GJC1: variants seen among roughly 807,000 people sequenced by gnomAD.
GJC1 encodes gap junction protein gamma 1.
In GJC1, 5 loss-of-function variants were observed where a neutral mutation model predicts 29.3. The observed-to-expected ratio is 0.17, with a 90% confidence interval of 0.09 to 0.36. GJC1 has a LOEUF of 0.36. GJC1 is among the 10% of genes least tolerant of loss of function. The pLI is 1.00. For missense variants in GJC1, 310 were observed against 496.2 expected (o/e 0.62, Z 3.56); for synonymous variants, 177 against 183.3 (o/e 0.97, Z 0.28).
At chr17:44,812,717 G>A (rs895448930) in intron 1 of GJC1, among the ~76,000 whole-genome samples, 5 of 150,628 alleles carry the variant, frequency 3.3e-5, no homozygotes, top group South Asian at 2.1e-4. Flanking sequence ...GCACAATCTC[G>A]GCTCTCTGCA....
chr17:44,810,861 C>T (rs539412382), intron 1 of GJC1, among the ~76,000 whole-genome samples: 11 of 152,238 alleles, frequency 7.2e-5, no homozygotes. Context: ...GCAGCCTCAA[C>T]CTCTTGTGTC....
intron 1 of GJC1, among the ~76,000 whole-genome samples, chr17:44,820,193 C>T (rs753918531): frequency 5.9e-5 from 9 of 152,012 alleles, no homozygotes; most frequent in Non-Finnish European, 1.0e-4. Flanking sequence ...AACTCCTGAC[C>T]TCAGGTTATC....
At chr17:44,819,615 G>A (rs954524561) in intron 1 of GJC1, among the ~76,000 whole-genome samples, 7 of 151,604 alleles carry the variant, frequency 4.6e-5, no homozygotes, top group East Asian at 1.9e-4. Flanking sequence ...CCGAGATCAC[G>A]CCACTGCACT....
chr17:44,829,073 C>T (rs947314059), intron 1 of GJC1, among the ~76,000 whole-genome samples: 1 of 150,988 alleles, frequency 6.6e-6, no homozygotes, highest in Non-Finnish European at 1.5e-5. Flanking sequence ...TCAGCCTGAA[C>T]TTATTCAAAC....
chr17:44,808,646 C>T (rs774448352), intron 1 of GJC1, among the ~76,000 whole-genome samples: 22 of 152,162 alleles, frequency 1.4e-4, no homozygotes, highest in African/African-American at 3.1e-4. Flanking sequence ...CCTGTGGTCC[C>T]AGCTACTTGG....
At chr17:44,827,116 C>T (rs1340770809) in intron 1 of GJC1, among the ~76,000 whole-genome samples, 1 of 152,102 alleles carries the variant, frequency 6.6e-6, no homozygotes, top group African/African-American at 2.4e-5. Flanking sequence ...TGGAGACCAG[C>T]CTGACCAACA....
At chr17:44,816,675 T>G (rs897150943) in intron 1 of GJC1, among the ~76,000 whole-genome samples, 1 of 151,912 alleles carries the variant, frequency 6.6e-6, no homozygotes, top group Non-Finnish European at 1.5e-5. Flanking sequence ...CTGGCTAATT[T>G]TTCTATTTTT....
chr17:44,817,820 TTTCTTGACCACTCGCTAGTAAA>T (rs1160205126), intron 1 of GJC1, among the ~76,000 whole-genome samples: 4 of 152,062 alleles, frequency 2.6e-5, no homozygotes, highest in African/African-American at 9.7e-5. Flanking sequence ...GTTTGGGCTC[TTTCTTGACCACTCGCTAGTAAA>T]GAATTACATT....
chr17:44,809,835 G>A (rs1250085731), intron 1 of GJC1, among the ~76,000 whole-genome samples: 1 of 151,860 alleles, frequency 6.6e-6, no homozygotes, highest in Non-Finnish European at 1.5e-5. Context: ...CCGAAGTGCT[G>A]GGATTACAGG....
rs146159476 is a variant in GJC1 at position 44,801,667 on chromosome 17, G to C, written c.*2960C>G. 1 of 150,670 alleles carries C rather than the reference G, an allele frequency of 6.6e-6. No homozygotes were observed. Among genetic ancestry groups the C allele is most frequent in the African/African-American group, 2.4e-5 (1 of 40,862 alleles). 9.3% of individuals were successfully genotyped at this position (150,670 alleles called of 1,614,324 possible). A position where few individuals can be genotyped will look rare whatever the true frequency, so the allele number is the denominator to read the frequency against. On this transcript the variant is annotated 3_prime_UTR_variant, in exon 3 of 3. Coordinates refer to ENST00000592524, the MANE Select transcript of GJC1 (RefSeq NM_005497.4). ...CTTGCAGGCTGGAGTGCAATGGTAT[G>C]ATCTCAGCTCACTGCAACCTCTGCC...
At chr17:44,823,754 T>C (rs1179214176) in intron 1 of GJC1, among the ~76,000 whole-genome samples, 1 of 150,502 alleles carries the variant, frequency 6.6e-6, no homozygotes, top group African/African-American at 2.4e-5. Flanking sequence ...TTCTGTCGCC[T>C]AGCCTGGAGT....
At chr17:44,809,642 C>T (rs908767644) in intron 1 of GJC1, among the ~76,000 whole-genome samples, 7 of 151,046 alleles carry the variant, frequency 4.6e-5, no homozygotes, top group African/African-American at 1.7e-4. Flanking sequence ...GCGATCTTGG[C>T]TCGCCACAAC....
intron 1 of GJC1, among the ~76,000 whole-genome samples, chr17:44,810,065 T>C (rs1427038099): frequency 6.7e-6 from 1 of 149,226 alleles, no homozygotes; most frequent in Non-Finnish European, 1.5e-5. Context: ...GGTTTCACCA[T>C]GTTAGCCAAG....
intron 1 of GJC1, among the ~76,000 whole-genome samples, chr17:44,819,716 C>T (rs1382134893): frequency 6.6e-6 from 1 of 151,658 alleles, no homozygotes; most frequent in Non-Finnish European, 1.5e-5. Context: ...AAAGAATTTC[C>T]TTCCTTTTTA....
chr17:44,805,910 T>G lies in GJC1; in HGVS notation c.-20-73A>C. 1 of 712,884 alleles carries G rather than the reference T, an allele frequency of 1.4e-6. No homozygotes were observed. The highest frequency in any genetic ancestry group is 2.3e-6 in the Non-Finnish European group (1 of 430,932). The allele number at this position is 712,884 out of a possible 1,614,324, so 44.2% of individuals were successfully genotyped here. A position where few individuals can be genotyped will look rare whatever the true frequency, so the allele number is the denominator to read the frequency against. ...CTTAATTTAATTACTAATTATGATA[T>G]CTCTAGGAACTACTGCTTTGAATAC... On this transcript the variant is annotated intron_variant, in intron 2 of 2. Coordinates refer to ENST00000592524, the MANE Select transcript of GJC1 (RefSeq NM_005497.4). The surrounding 1 kb of genome is among the most constrained non-coding windows in gnomAD (Gnocchi z 5.1).
chr17:44,804,550 A>T lies in GJC1; in HGVS notation c.*77T>A. ...TGAAGATAACCAGAGCCAAATGTTT[A>T]CTCAATGGAAGTCATTATTCAGTGA... On this transcript the variant is annotated 3_prime_UTR_variant, in exon 3 of 3. Transcript: ENST00000592524. 8.9e-7 allele frequency: 1 copy of T among 1,120,954 alleles called. No individual in the cohort carries two copies. Among genetic ancestry groups the T allele is most frequent in the Non-Finnish European group, 1.3e-6 (1 of 766,164 alleles). 69.4% of individuals were successfully genotyped at this position (1,120,954 alleles called of 1,614,324 possible).
In GJC1 at chr17:44,801,396, A is replaced by C. The variant is rs968796428; in HGVS notation, c.*3231T>G. On this transcript the variant is annotated 3_prime_UTR_variant, in exon 3 of 3. Transcript: ENST00000592524. ...TAGCAGGTGAAGGACTAAGCACTCAACTTGTATTTGGAGGAGAAGCAAGTG... is the reference window on the plus strand; with the variant it reads ...TAGCAGGTGAAGGACTAAGCACTCACCTTGTATTTGGAGGAGAAGCAAGTG... 1 of 152,228 alleles carries C rather than the reference A, an allele frequency of 6.6e-6. No homozygotes were observed. The highest frequency in any genetic ancestry group is 1.9e-4 in the East Asian group (1 of 5,206). 9.4% of individuals were successfully genotyped at this position (152,228 alleles called of 1,614,324 possible).
Position 44,804,948 on chromosome 17 carries a change from A to G in GJC1, c.870T>C (p.Tyr290=), listed in dbSNP as rs1432715927. 3 of 1,614,086 alleles carry G rather than the reference A, an allele frequency of 1.9e-6. No homozygotes were observed. In the Admixed American group the frequency reaches 5.0e-5, roughly 27 times the overall value. ...TWNTPSAPPG[Y]NIAVKPDQIQ... ...TTTGATCTGGTTTGACAGCAATGTT[A>G]TAGCCAGGGGGAGCAGATGGTGTAT... The change falls in exon 3 of 3, where the codon TAT becomes TAC. Residue 290 remains tyrosine, a synonymous_variant. Coordinates refer to ENST00000592524, the MANE Select transcript of GJC1 (RefSeq NM_005497.4).
rs781084886 is a variant in GJC1 at position 44,805,453 on chromosome 17, T to A, written c.365A>T (p.Lys122Ile). The A allele has an allele frequency of 4.3e-6, 7 of 1,614,054 alleles. No individual in the cohort carries two copies. The African/African-American group carries it at 9.3e-5, about 22-fold the overall frequency. ...CGTTTCTTCCAGAGCCCGGTGTTGTTTCCAGCGCATTGCATAGGGCTTGCT... is the reference window on the plus strand; with the variant it reads ...CGTTTCTTCCAGAGCCCGGTGTTGTATCCAGCGCATTGCATAGGGCTTGCT... Reference protein sequence around the residue: ...ARSKPYAMRWKQHRALEETEE... With the variant: ...ARSKPYAMRWIQHRALEETEE... The change falls in exon 3 of 3, where the codon AAA becomes ATA. Residue 122 changes from lysine to isoleucine, a missense_variant. Lys to Ile is a moderately radical substitution (Grantham distance 102, BLOSUM62 -3). Transcript: ENST00000592524. The surrounding 1 kb of genome is among the most constrained non-coding windows in gnomAD (Gnocchi z 5.1).
Sources: allele counts gnomAD v4.1 joint callset (sites outside exome capture counted in the v4.1 genomes callset), GRCh38; gene constraint gnomAD v4.1.1; non-coding constraint Gnocchi (gnomAD v3.1); transcripts MANE v1.5; gene names NCBI Gene and HGNC (gene_info 2026-07-23, HGNC 2026-07-21).